Variants in GNA12 observed in about 807,000 individuals in gnomAD.
GNA12 encodes the protein guanine nucleotide-binding protein subunit alpha-12.
In GNA12, 9 loss-of-function variants were observed where a neutral mutation model predicts 26.0. That is an observed-to-expected ratio of 0.35 (90% CI 0.21 to 0.60). The LOEUF is 0.60. GNA12 is among the 20% of genes least tolerant of loss of function. GNA12 has a pLI of 0.78. For synonymous variants in GNA12, 264 were observed against 219.6 expected (o/e 1.20, Z -1.79); for missense variants, 405 against 525.8 (o/e 0.77, Z 2.25).
rs753455707 is a variant in GNA12, at chr7:2,733,435, G to A, written c.576+16C>T. The A allele has an allele frequency of 3.2e-5, 52 of 1,611,424 alleles. No homozygotes were observed. The South Asian group carries it at 3.6e-4, about 11-fold the overall frequency. Reference sequence around the variant, plus strand: ...ACCCTGGAGCCCAGCTTCTTCGGGCGGGCGTGCTTACTCACCAGCTGGCCG... The same window carrying A: ...ACCCTGGAGCCCAGCTTCTTCGGGCAGGCGTGCTTACTCACCAGCTGGCCG... On this transcript the variant is annotated intron_variant, in intron 3 of 3. Coordinates refer to ENST00000275364, the MANE Select transcript of GNA12 (RefSeq NM_007353.3).
rs765881163 is a variant in GNA12 at position 2,731,379 on chromosome 7, G to A, written c.948C>T (p.Asp316=). 15 of 1,613,668 alleles carry A rather than the reference G, an allele frequency of 9.3e-6. No homozygotes were observed. Among genetic ancestry groups the A allele is most frequent in the Non-Finnish European group, 1.2e-5 (14 of 1,179,688 alleles). The change falls in exon 4 of 4, where the codon GAC becomes GAT. Residue 316 remains aspartate (D), a synonymous_variant. Transcript: ENST00000275364. The surrounding 1 kb of genome is among the most constrained non-coding windows in gnomAD (Gnocchi z 6.0). The part of the protein sequence containing the change: ...KTVSIKKHFP[D]FRGDPHRLED... ...CCAGCCTGTGCGGGTCGCCCCTGAA[G>A]TCCGGGAAGTGCTTCTTGATGCTCA...
At chr7:2,749,567 C>T (rs940713438) in intron 2 of GNA12, among the ~76,000 whole-genome samples, 1 of 151,580 alleles carries the variant, frequency 6.6e-6, no homozygotes, top group South Asian at 2.1e-4. Flanking sequence ...TGCTAAATGA[C>T]GAGTTAATGG....
chr7:2,733,126 G>A (rs1789984564), intron 3 of GNA12, among the ~76,000 whole-genome samples: 1 of 152,190 alleles, frequency 6.6e-6, no homozygotes, highest in African/African-American at 2.4e-5. Context: ...AGTGATAACT[G>A]CCATGCCTGG....
At chr7:2,777,493 G>A (rs138891906) in intron 2 of GNA12, among the ~76,000 whole-genome samples, 82 of 152,338 alleles carry the variant, frequency 5.4e-4, no homozygotes, top group African/African-American at 1.9e-3. Context: ...TTCCCAGTGG[G>A]ATGGTATCTG....
intron 2 of GNA12, among the ~76,000 whole-genome samples, chr7:2,761,342 C>T (rs79529046): frequency 0.02 from 3,091 of 152,318 alleles, 61 homozygotes; most frequent in Middle Eastern, 0.075. Context: ...CCTAGAGGCA[C>T]GGGGTGGGCA....
intron 1 of GNA12, among the ~76,000 whole-genome samples, chr7:2,805,982 CTTTT>C (rs922306136): frequency 1.3e-5 from 2 of 152,060 alleles, no homozygotes; most frequent in African/African-American, 4.8e-5. Context: ...ACGTAAACTT[CTTTT>C]GTTTATACTG....
intron 2 of GNA12, among the ~76,000 whole-genome samples, chr7:2,747,872 G>A (rs1346758764): frequency 6.6e-6 from 1 of 152,006 alleles, no homozygotes; most frequent in African/African-American, 2.4e-5. Context: ...ACCAATAACA[G>A]ACAAACAGCC....
chr7:2,733,284 C>A (rs1789991850), intron 3 of GNA12, among the ~76,000 whole-genome samples, 167 bp downstream of exon 3: 1 of 152,172 alleles, frequency 6.6e-6, no homozygotes, highest in African/African-American at 2.4e-5. Context: ...GAGACGGGGC[C>A]CAGATCCAAG....
intron 2 of GNA12, among the ~76,000 whole-genome samples, chr7:2,750,999 A>G (rs1385170188): frequency 1.3e-5 from 2 of 152,198 alleles, no homozygotes; most frequent in Non-Finnish European, 2.9e-5. Context: ...TACATCAGAA[A>G]GTATTTTGAA....
At chr7:2,754,676 G>A (rs1791206016) in intron 2 of GNA12, among the ~76,000 whole-genome samples, 1 of 152,038 alleles carries the variant, frequency 6.6e-6, no homozygotes, top group Non-Finnish European at 1.5e-5. Context: ...TTGAGCCCAG[G>A]AGACTGAGGC....
At chr7:2,748,805 A>T (rs1243376688) in intron 2 of GNA12, among the ~76,000 whole-genome samples, 1 of 152,090 alleles carries the variant, frequency 6.6e-6, no homozygotes, top group Non-Finnish European at 1.5e-5. Context: ...AACTCAAACA[A>T]ATTTACAAGA....
chr7:2,743,404 G>C lies in GNA12; in HGVS notation c.526-9903C>G, dbSNP rs1790606110. ...AAAATATGGAAGATATTCATCATCA[G>C]GGGCAAAAACAATCAGAAGTTATCA... On this transcript the variant is annotated intron_variant, in intron 2 of 3. Coordinates refer to ENST00000275364, the MANE Select transcript of GNA12 (RefSeq NM_007353.3). Among the ~76,000 whole-genome samples, 3 of 150,194 alleles carry C rather than the reference G, an allele frequency of 2.0e-5. No homozygotes were observed. The South Asian group carries it at 6.2e-4, about 31-fold the overall frequency.
intron 1 of GNA12, among the ~76,000 whole-genome samples, chr7:2,809,506 A>G (rs931486849): frequency 2.0e-5 from 3 of 152,066 alleles, no homozygotes; most frequent in Admixed American, 6.5e-5. Context: ...ATTGCCCCAT[A>G]CTTTATTTGA....
intron 1 of GNA12, among the ~76,000 whole-genome samples, chr7:2,830,051 G>T (rs542950155): frequency 6.4e-4 from 97 of 152,214 alleles, no homozygotes; most frequent in Non-Finnish European, 1.1e-3. Context: ...ACACTTCCTG[G>T]CTCCACCAAG....
intron 1 of GNA12, among the ~76,000 whole-genome samples, chr7:2,843,511 G>A (rs1248491867): frequency 1.3e-5 from 2 of 152,148 alleles, no homozygotes; most frequent in Non-Finnish European, 2.9e-5. Flanking sequence ...AGCTGGGCTG[G>A]TGGTGCGCGC....
rs1779105699 is a variant in GNA12 at position 2,844,304 on chromosome 7, C to G, written c.-143G>C. ...GTCCGCCGCCGCCGCTGCAGTCGCT[C>G]CGAGGCCCGCACTCGTCGCCCGGCC... is the stretch of plus-strand genomic sequence containing the variant. On this transcript the variant is annotated 5_prime_UTR_variant, in exon 1 of 4. Coordinates refer to ENST00000275364, the MANE Select transcript of GNA12 (RefSeq NM_007353.3). 7.8e-6 allele frequency: 2 copies of G among 255,072 alleles called. No homozygotes were observed. Among genetic ancestry groups the G allele is most frequent in the East Asian group, 3.6e-4 (2 of 5,518 alleles). The allele number at this position is 255,072 out of a possible 1,614,324, so 15.8% of individuals were successfully genotyped here.
At chr7:2,821,078 G>A (rs1218356310) in intron 1 of GNA12, among the ~76,000 whole-genome samples, 1 of 152,154 alleles carries the variant, frequency 6.6e-6, no homozygotes, top group South Asian at 2.1e-4. Flanking sequence ...AAACTCCACA[G>A]GAATCACTCC....
intron 2 of GNA12, among the ~76,000 whole-genome samples, chr7:2,753,955 C>G (rs202026942): frequency 1.5e-3 from 225 of 152,216 alleles, no homozygotes; most frequent in Admixed American, 4.2e-3. Context: ...GTAGGTCCGG[C>G]GGCGCATCTT....
intron 2 of GNA12, among the ~76,000 whole-genome samples, chr7:2,790,622 G>C (rs1041679439): frequency 6.6e-6 from 1 of 152,138 alleles, no homozygotes; most frequent in Admixed American, 6.5e-5. Context: ...ACACACCAAA[G>C]ACACTGATAT....
Sources: gnomAD v4.1 joint callset for allele counts (sites outside exome capture counted in the v4.1 genomes callset) on GRCh38, gnomAD v4.1.1 for gene constraint, Gnocchi (gnomAD v3.1) non-coding constraint, MANE v1.5 for transcripts, NCBI Gene and HGNC (gene_info 2026-07-23, HGNC 2026-07-21) for gene names.